Variants in LACTB observed in about 807,000 individuals in gnomAD.
LACTB encodes serine beta-lactamase-like protein LACTB, mitochondrial.
LACTB carries 35 observed loss-of-function variants against 50.2 expected under a neutral mutation model. The ratio of observed to expected loss-of-function variants is 0.70; its 90% confidence interval spans 0.53 to 0.92. LACTB has a LOEUF of 0.92. Among genes scored for constraint, LACTB ranks in the 40% least tolerant of loss-of-function variants. LACTB has a pLI of 0.00. For missense variants in LACTB, 664 were observed against 691.8 expected (o/e 0.96, Z 0.45); for synonymous variants, 252 against 268.2 (o/e 0.94, Z 0.59).
Position 63,122,115 on chromosome 15 carries a change from C to T in LACTB, c.244C>T (p.Pro82Ser). Residue 82 changes from proline (P) to serine (S), a missense_variant, in exon 1 of 6, where the codon CCG (proline) becomes TCG (serine). Physicochemically the swap from Pro to Ser is moderately conservative, Grantham distance 74. Coordinates refer to ENST00000261893, the MANE Select transcript of LACTB (RefSeq NM_032857.5). The part of the protein sequence containing the change: ...PDPEASPLAE[P>S]PQEQSLAPWS... ...CCCTGAGGCGTCGCCTCTGGCCGAG[C>T]CGCCACAGGAGCAGTCCCTCGCCCC... 1 of 1,480,804 alleles carries T rather than the reference C, an allele frequency of 6.8e-7. No homozygotes were observed. The highest frequency in any genetic ancestry group is 8.9e-7 in the Non-Finnish European group (1 of 1,123,544). The allele number at this position is 1,480,804 out of a possible 1,614,324, so 91.7% of individuals were successfully genotyped here.
rs534894337 is a variant in LACTB at position 63,122,245 on chromosome 15, G to C, written c.357+17G>C. 1.8e-3 allele frequency: 2,800 copies of C among 1,519,108 alleles called. 4 individuals carry two copies. Among genetic ancestry groups the C allele is most frequent in the Admixed American group, 3.2e-3 (155 of 48,008 alleles). 94.1% of individuals were successfully genotyped at this position (1,519,108 alleles called of 1,614,324 possible). A position where few individuals can be genotyped will look rare whatever the true frequency, so the allele number is the denominator to read the frequency against. On this transcript the variant is annotated intron_variant, in intron 1 of 5. Coordinates refer to ENST00000261893, the MANE Select transcript of LACTB (RefSeq NM_032857.5). ...AGGATCAAGGTGCGGCCACTGGAGC[G>C]GGGGGCGTAGGGGGCCGGGGATCCA...
At chr15:63,130,202 T>C (rs1430395661) in intron 5 of LACTB, 1 of 152,268 alleles carries the variant, frequency 6.6e-6, no homozygotes, top group Non-Finnish European at 1.5e-5. Flanking sequence ...ATGTGTATTT[T>C]CTAAAAACAA....
intron 2 of LACTB, among the ~76,000 whole-genome samples, chr15:63,123,521 G>GA (rs2037006270): frequency 6.6e-6 from 1 of 152,184 alleles, no homozygotes; most frequent in African/African-American, 2.4e-5. Flanking sequence ...AGAGATAAAA[G>GA]AAAAGACAGC....
chr15:63,124,462 C>G (rs1052752853), intron 2 of LACTB, among the ~76,000 whole-genome samples: 19 of 152,242 alleles, frequency 1.2e-4, no homozygotes, highest in African/African-American at 4.3e-4. Flanking sequence ...AATGACTTTT[C>G]AGTCTACTTT....
chr15:63,141,318 C>T lies in LACTB; in HGVS notation c.1157C>T (p.Thr386Ile). The stretch of plus-strand genomic sequence containing the variant: ...AATAAAAAGAAACGTCTTGTCAACA[C>T]ACCTTACGTGGATAACTCCTATAAA... ...VYNKKKRLVN[T>I]PYVDNSYKWA... The change falls in exon 6 of 6, where the codon ACA (threonine) becomes ATA (isoleucine). Residue 386 changes from threonine (T) to isoleucine (I), a missense_variant. By Grantham distance (89) the Thr-to-Ile change is moderately conservative (BLOSUM62 -1). Coordinates refer to ENST00000261893, the MANE Select transcript of LACTB (RefSeq NM_032857.5). 1.2e-6 allele frequency: 2 copies of T among 1,613,024 alleles called. No individual in the cohort carries two copies. Among genetic ancestry groups the T allele is most frequent in the Non-Finnish European group, 1.7e-6 (2 of 1,179,406 alleles).
chr15:63,124,805 T>G (rs899635199), intron 2 of LACTB, among the ~76,000 whole-genome samples: 12 of 151,856 alleles, frequency 7.9e-5, no homozygotes, highest in African/African-American at 2.7e-4. Flanking sequence ...ACACAAAAAA[T>G]TAGCCAGCCA....
intron 5 of LACTB, among the ~76,000 whole-genome samples, chr15:63,138,086 G>A (rs762938438): frequency 3.9e-5 from 6 of 152,174 alleles, no homozygotes; most frequent in Non-Finnish European, 5.9e-5. Flanking sequence ...AGCACTTTGG[G>A]AGGTGGAGGC....
chr15:63,136,918 CTCT>C (rs1691025046), intron 5 of LACTB, among the ~76,000 whole-genome samples: 1 of 151,992 alleles, frequency 6.6e-6, no homozygotes, highest in African/African-American at 2.4e-5. Context: ...GTAAATATTT[CTCT>C]TCTTTATCAC....
Position 63,141,842 on chromosome 15 carries a change from G to T in LACTB, c.*37G>T, listed in dbSNP as rs1242146454. 1.3e-6 allele frequency: 2 copies of T among 1,543,108 alleles called. No homozygotes were observed. The highest frequency in any genetic ancestry group is 1.2e-5 in the South Asian group (1 of 83,010). Reference sequence around the variant, plus strand: ...CCATAGGTGCAAAATGAGTTGTTCTGAGGTTTTTTTGAAACATTAAAGTTC... The same window carrying T: ...CCATAGGTGCAAAATGAGTTGTTCTTAGGTTTTTTTGAAACATTAAAGTTC... On this transcript the variant is annotated 3_prime_UTR_variant, in exon 6 of 6. Transcript: ENST00000261893.
chr15:63,121,899 G>T lies in LACTB; in HGVS notation c.28G>T (p.Ala10Ser). 7.0e-7 allele frequency: 1 copy of T among 1,419,890 alleles called. No individual in the cohort carries two copies. Among genetic ancestry groups the T allele is most frequent in the Non-Finnish European group, 9.2e-7 (1 of 1,092,614 alleles). The allele number at this position is 1,419,890 out of a possible 1,614,324, so 88.0% of individuals were successfully genotyped here. A position where few individuals can be genotyped will look rare whatever the true frequency, so the allele number is the denominator to read the frequency against. MYRLMSAVT[A>S]RAAAPGGLAS... ...GTACCGGCTCATGTCAGCAGTGACT[G>T]CCCGGGCTGCCGCCCCCGGGGGCTT... Residue 10 changes from alanine to serine, a missense_variant, in exon 1 of 6, where the codon GCC becomes TCC. Physicochemically the swap from Ala to Ser is moderately conservative, Grantham distance 99 (BLOSUM62 1). Coordinates refer to ENST00000261893, the MANE Select transcript of LACTB (RefSeq NM_032857.5).
intron 2 of LACTB, among the ~76,000 whole-genome samples, chr15:63,126,541 T>C (rs1370417572): frequency 6.6e-6 from 1 of 152,248 alleles, no homozygotes; most frequent in Non-Finnish European, 1.5e-5. Context: ...TGATGTTTTC[T>C]TTAAAGAATA....
chr15:63,121,884 A>T lies in LACTB; in HGVS notation c.13A>T (p.Met5Leu), dbSNP rs34317102. 2.9e-6 allele frequency: 4 copies of T among 1,399,112 alleles called. No homozygotes were observed. Among genetic ancestry groups the T allele is most frequent in the Non-Finnish European group, 3.7e-6 (4 of 1,080,818 alleles). 86.7% of individuals were successfully genotyped at this position (1,399,112 alleles called of 1,614,324 possible). The change falls in exon 1 of 6, where the codon ATG (methionine) becomes TTG (leucine). Residue 5 changes from methionine (M) to leucine (L), a missense_variant. By Grantham distance (15) the Met-to-Leu change is conservative (BLOSUM62 2). Transcript: ENST00000261893. Reference protein sequence around the residue: MYRLMSAVTARAAAP... With the variant: MYRLLSAVTARAAAP... ...GTGCAGAGACGCCATGTACCGGCTC[A>T]TGTCAGCAGTGACTGCCCGGGCTGC...
intron 1 of LACTB, 148 bp downstream of exon 1, chr15:63,122,376 G>A: frequency 1.3e-6 from 1 of 776,994 alleles, no homozygotes; most frequent in Non-Finnish European, 2.0e-6. Flanking sequence ...CCGCCGAGCC[G>A]TGGTCAGACG....
In LACTB at chr15:63,141,679, G is replaced by T. The variant is rs770997369; in HGVS notation, c.1518G>T (p.Glu506Asp). ...LLVLPEELDT[E>D]TINNKVPPRG... is the part of the protein sequence containing the mutation. ...TCCTTCCTGAAGAACTGGATACAGAGACTATAAATAACAAGGTTCCCCCAA... is the reference window on the plus strand; with the variant it reads ...TCCTTCCTGAAGAACTGGATACAGATACTATAAATAACAAGGTTCCCCCAA... The change falls in exon 6 of 6, where the codon GAG becomes GAT. Residue 506 changes from glutamate (E) to aspartate (D), a missense_variant. By Grantham distance (45) the Glu-to-Asp change is conservative (BLOSUM62 2). Transcript: ENST00000261893. 2 of 1,614,164 alleles carry T rather than the reference G, an allele frequency of 1.2e-6. No individual in the cohort carries two copies. Among genetic ancestry groups the T allele is most frequent in the Non-Finnish European group, 1.7e-6 (2 of 1,180,040 alleles).
At chr15:63,135,492 G>C (rs936874386) in intron 5 of LACTB, among the ~76,000 whole-genome samples, 4 of 152,192 alleles carry the variant, frequency 2.6e-5, no homozygotes, top group Non-Finnish European at 2.9e-5. Context: ...GAGGCCAAGA[G>C]GGGTGGATTG....
chr15:63,140,537 T>A (rs2037218766), intron 5 of LACTB, among the ~76,000 whole-genome samples: 1 of 152,180 alleles, frequency 6.6e-6, no homozygotes, highest in African/African-American at 2.4e-5. Context: ...CGTATAAGAA[T>A]CTTGAAAAAA....
chr15:63,132,537 G>A (rs12050840), intron 5 of LACTB, among the ~76,000 whole-genome samples: 7,974 of 152,120 alleles, frequency 0.052, 322 homozygotes, highest in East Asian at 0.18. Context: ...GATTTTGGGG[G>A]CGGGGCAAGG....
chr15:63,137,228 C>G (rs138494276), intron 5 of LACTB, among the ~76,000 whole-genome samples: 1 of 152,152 alleles, frequency 6.6e-6, no homozygotes, highest in East Asian at 1.9e-4. Flanking sequence ...GGCAAGTACA[C>G]TAAATAACCC....
chr15:63,130,858 A>G (rs1052662671), intron 5 of LACTB: 2 of 152,184 alleles, frequency 1.3e-5, no homozygotes, highest in African/African-American at 2.4e-5. Flanking sequence ...TGATGTAAAA[A>G]TCCTCTTTCT....
Sources: gnomAD v4.1 joint callset for allele counts (sites outside exome capture counted in the v4.1 genomes callset) on GRCh38, gnomAD v4.1.1 for gene constraint, MANE v1.5 for transcripts, NCBI Gene and HGNC (gene_info 2026-07-23, HGNC 2026-07-21) for gene names.